The following PKD1L1 variants were observed in gnomAD, a reference collection of about 807,000 sequenced individuals.
PKD1L1 encodes the protein polycystin-1-like protein 1.
PKD1L1 carries 236 observed loss-of-function variants against 323.4 expected under a neutral mutation model. The ratio of observed to expected loss-of-function variants is 0.73; its 90% CI spans 0.66 to 0.81. PKD1L1 has a LOEUF of 0.81. Among genes scored for constraint, PKD1L1 ranks in the 40% least tolerant of loss-of-function variants. The pLI is 0.00. For synonymous variants in PKD1L1, 1,344 were observed against 1,335.0 expected (o/e 1.01, Z -0.15); for missense variants, 3,320 against 3,508.0 (o/e 0.95, Z 1.35).
Position 47,865,184 on chromosome 7 carries a change from G to A in PKD1L1, c.4149+32C>T, listed in dbSNP as rs578059829. ...ATGTCCCTCAAAACTATATAAAATA[G>A]GAAAATATTTCTGGGAAAAAATTGC... On this transcript the variant is annotated intron_variant, in intron 26 of 56. Transcript: ENST00000289672. 1.1e-4 allele frequency: 168 copies of A among 1,556,722 alleles called. 3 individuals are homozygous for A. The South Asian group carries it at 1.6e-3, about 15-fold the overall frequency.
intron 46 of PKD1L1, chr7:47,819,401 T>C (rs1480660382): frequency 2.1e-6 from 1 of 473,816 alleles, no homozygotes; most frequent in African/African-American, 2.1e-5. Context: ...TAATGTTGAC[T>C]TGTGAAATGT....
At position 47,843,006 on chromosome 7, in the gene PKD1L1, C is replaced by G; in HGVS notation, c.5401G>C (p.Val1801Leu). 1 of 1,613,808 alleles carries G rather than the reference C, an allele frequency of 6.2e-7. No homozygotes were observed. The highest frequency in any genetic ancestry group is 8.5e-7 in the Non-Finnish European group (1 of 1,179,854). ...GGAGCTCGGAAGCCAGTGTCAATGA[C>G]GACCGCATATAGCTGATGGCCCGGC... Reference protein sequence around the residue: ...SLPGHQLYAVVIDTGFRAPAR... With the variant: ...SLPGHQLYAVLIDTGFRAPAR... The change falls in exon 34 of 57, where the codon GTC becomes CTC. Residue 1801 changes from valine (V) to leucine (L), a missense_variant. Physicochemically the swap from Val to Leu is conservative, Grantham distance 32. Coordinates refer to ENST00000289672, the MANE Select transcript of PKD1L1 (RefSeq NM_138295.5).
chr7:47,902,899 C>G (rs912852398), intron 12 of PKD1L1, among the ~76,000 whole-genome samples: 3 of 152,186 alleles, frequency 2.0e-5, no homozygotes, highest in Non-Finnish European at 4.4e-5. Flanking sequence ...GTACCCCAAC[C>G]CATAACTGGG....
At chr7:47,847,811 G>T (rs1256615108) in intron 31 of PKD1L1, among the ~76,000 whole-genome samples, 1 of 152,008 alleles carries the variant, frequency 6.6e-6, no homozygotes, top group East Asian at 1.9e-4. Flanking sequence ...TTATAATCTG[G>T]ACATAAGAAA....
chr7:47,899,955 C>CAAAAA (rs10639721), intron 13 of PKD1L1, among the ~76,000 whole-genome samples: 1 of 106,514 alleles, frequency 9.4e-6, no homozygotes, highest in Admixed American at 1.1e-4. Context: ...GACTCCATCC[C>CAAAAA]AAAAAAAAAA....
Position 47,866,405 on chromosome 7 carries a change from C to T in PKD1L1, c.4092+14G>A. 1 of 1,611,050 alleles carries T rather than the reference C, an allele frequency of 6.2e-7. No individual in the cohort carries two copies. The highest frequency in any genetic ancestry group is 8.5e-7 in the Non-Finnish European group (1 of 1,178,872). ...GGTTTACAGACACTAAACTCACCCTCCTCTGAGCCATACCTGATCTACAAA... is the reference window on the plus strand; with the variant it reads ...GGTTTACAGACACTAAACTCACCCTTCTCTGAGCCATACCTGATCTACAAA... On this transcript the variant is annotated intron_variant, in intron 25 of 56. Coordinates refer to ENST00000289672, the MANE Select transcript of PKD1L1 (RefSeq NM_138295.5).
intron 56 of PKD1L1, among the ~76,000 whole-genome samples, chr7:47,779,547 T>C (rs886211992): frequency 3.9e-5 from 6 of 152,226 alleles, no homozygotes; most frequent in African/African-American, 1.4e-4. Flanking sequence ...TGATATTCTC[T>C]ACGGAGATAT....
chr7:47,830,341 G>T (rs1460108521), intron 42 of PKD1L1, among the ~76,000 whole-genome samples: 1 of 152,234 alleles, frequency 6.6e-6, no homozygotes, highest in Non-Finnish European at 1.5e-5. Context: ...CCCTGAAGCT[G>T]CCTAGTGGGA....
At chr7:47,936,216 A>G (rs1787864625) in intron 4 of PKD1L1, among the ~76,000 whole-genome samples, 1 of 152,192 alleles carries the variant, frequency 6.6e-6, no homozygotes, top group Admixed American at 6.5e-5. Flanking sequence ...TTGAAGGCAC[A>G]GTTCAGTGGT....
At position 47,840,506 on chromosome 7, in the gene PKD1L1, T is replaced by C; in HGVS notation, c.5507A>G (p.Glu1836Gly). Residue 1836 changes from glutamate (E) to glycine (G), a missense_variant, in exon 35 of 57, where the codon GAG becomes GGG. Coordinates refer to ENST00000289672, the MANE Select transcript of PKD1L1 (RefSeq NM_138295.5). This position sits in a 1 kb window ranked among gnomAD's most constrained non-coding sequence, Gnocchi z 4.1. The stretch of plus-strand genomic sequence containing the variant: ...GGAATTCCTTTCAAACAGGGGCTTC[T>C]CTGGACAGGAGAGCTCCTTGGTTTC... The part of the protein sequence containing the change: ...LSETKELSCP[E>G]KPLFERNSRH... The C allele has an allele frequency of 6.2e-7, 1 of 1,614,188 alleles. No homozygotes were observed.
chr7:47,905,424 G>T, intron 10 of PKD1L1, 99 bp from the exon 11 acceptor site: 1 of 1,294,330 alleles, frequency 7.7e-7, no homozygotes, highest in Non-Finnish European at 1.1e-6. Context: ...TCATGGGCTT[G>T]AGTGATGGTG....
intron 56 of PKD1L1, 85 bp from the exon 57 acceptor site, chr7:47,775,251 G>A: frequency 6.5e-7 from 1 of 1,533,754 alleles, no homozygotes; most frequent in East Asian, 2.3e-5. Context: ...GGCAGCAAGT[G>A]CTGATCAGAC....
intron 7 of PKD1L1, among the ~76,000 whole-genome samples, chr7:47,920,177 A>C (rs1305006616): frequency 1.3e-5 from 2 of 152,176 alleles, no homozygotes; most frequent in African/African-American, 4.8e-5. Flanking sequence ...TCTGGATACA[A>C]AACTAATGTA....
chr7:47,849,032 A>C lies in PKD1L1; in HGVS notation c.4961-1961T>G, dbSNP rs537575300. ...CCAATGGAACAGAATGCAGAACCCA[A>C]AAATAAGGCCAAATACCTAAAGCCA... On this transcript the variant is annotated intron_variant, in intron 31 of 56. Coordinates refer to ENST00000289672, the MANE Select transcript of PKD1L1 (RefSeq NM_138295.5). Among the ~76,000 whole-genome samples, 25 of 152,312 alleles carry C rather than the reference A, an allele frequency of 1.6e-4. No individual in the cohort carries two copies. The East Asian group carries it at 4.8e-3, about 29-fold the overall frequency.
chr7:47,855,042 G>C lies in PKD1L1; in HGVS notation c.4702-3C>G. ...GTCGTTTTATTTCTCCTATTATCCT[G>C]TCATCACAAAGAAAACAAGTTAAGC... On this transcript the variant is annotated splice_region_variant and splice_polypyrimidine_tract_variant and intron_variant, in intron 29 of 56. Coordinates refer to ENST00000289672, the MANE Select transcript of PKD1L1 (RefSeq NM_138295.5). 2 of 1,609,700 alleles carry C rather than the reference G, an allele frequency of 1.2e-6. No homozygotes were observed. The highest frequency in any genetic ancestry group is 8.5e-7 in the Non-Finnish European group (1 of 1,178,014).
chr7:47,905,849 TCTTATAC>T lies in PKD1L1; in HGVS notation c.1509_1515del (p.Trp503Ter). On this transcript the variant is annotated frameshift_variant, in exon 10 of 57. Coordinates refer to ENST00000289672, the MANE Select transcript of PKD1L1 (RefSeq NM_138295.5). LOFTEE classifies it high-confidence loss of function. The stretch of plus-strand genomic sequence containing the variant: ...AATTAAAACAAAGACATACATTGCA[TCTTATAC>T]CAGACAGTCATGCTGTGCCAAGCCT... 6.2e-7 allele frequency: 1 copy of T among 1,612,646 alleles called. No homozygotes were observed. Among genetic ancestry groups the T allele is most frequent in the Non-Finnish European group, 8.5e-7 (1 of 1,179,774 alleles).
At chr7:47,952,716 G>C (rs1245476167), upstream of PKD1L1, among the ~76,000 whole-genome samples, 1 of 152,340 alleles carries the variant, frequency 6.6e-6, no homozygotes, top group Non-Finnish European at 1.5e-5. Context: ...GAAGTATCAT[G>C]ATTTTGTGAA....
Position 47,929,433 on chromosome 7 carries a change from A to G in PKD1L1, c.831T>C (p.Pro277=), listed in dbSNP as rs1285129438. 1 of 1,614,106 alleles carries G rather than the reference A, an allele frequency of 6.2e-7. No individual in the cohort carries two copies. The change falls in exon 7 of 57, where the codon CCT becomes CCC. Residue 277 remains proline, a synonymous_variant. Coordinates refer to ENST00000289672, the MANE Select transcript of PKD1L1 (RefSeq NM_138295.5). ...AATTTCGAGCTAGGATGGCCACAGG[A>G]GGATGCTGAGTAGGGGGATAGAGGA... ...SEILYPPTQH[P]PVAILARNSD...
chr7:47,864,242 A>G (rs1786097864), intron 26 of PKD1L1, among the ~76,000 whole-genome samples: 1 of 152,176 alleles, frequency 6.6e-6, no homozygotes, highest in African/African-American at 2.4e-5. Flanking sequence ...AAATAAAGGG[A>G]GAAGCCTATG....
Sources: allele counts gnomAD v4.1 joint callset (sites outside exome capture counted in the v4.1 genomes callset), GRCh38; gene constraint gnomAD v4.1.1; non-coding constraint Gnocchi (gnomAD v3.1); transcripts MANE v1.5; gene names NCBI Gene and HGNC (gene_info 2026-07-23, HGNC 2026-07-21).